The following ADGRB3 variants were observed in gnomAD, a reference collection of about 807,000 sequenced individuals.
ADGRB3 encodes the protein adhesion G protein-coupled receptor B3.
A neutral mutation model predicts 193.4 loss-of-function variants in ADGRB3; 37 were observed. That is an observed-to-expected ratio of 0.19 (90% CI 0.15 to 0.25). The LOEUF is 0.25. Ranked by LOEUF, ADGRB3 falls within the 10% of genes least tolerant of loss-of-function variation. The pLI is 1.00. For synonymous variants in ADGRB3, 690 were observed against 644.2 expected, an observed-to-expected ratio of 1.07 and a Z score of -1.08; for missense variants, 1,637 against 1,852.9, an observed-to-expected ratio of 0.88 and a Z score of 2.14.
chr6:69,077,837 C>G (rs1458893135), intron 17 of ADGRB3, among the ~76,000 whole-genome samples: 4 of 151,936 alleles, frequency 2.6e-5, no homozygotes, highest in African/African-American at 4.8e-5. Flanking sequence ...TGGTGTAGTT[C>G]ATGTTTTCTT....
chr6:68,736,016 T>C (rs1765864064), intron 3 of ADGRB3, among the ~76,000 whole-genome samples: 2 of 152,042 alleles, frequency 1.3e-5, no homozygotes, highest in African/African-American at 2.4e-5. Flanking sequence ...AAATATTTCA[T>C]TGTTGTTGAT....
At chr6:69,123,408 C>A (rs1025977577) in intron 17 of ADGRB3, among the ~76,000 whole-genome samples, 2 of 152,094 alleles carry the variant, frequency 1.3e-5, no homozygotes, top group Non-Finnish European at 2.9e-5. Flanking sequence ...GCAGATTGTT[C>A]AACATTTATT....
chr6:68,850,370 G>T (rs921009171), intron 3 of ADGRB3, among the ~76,000 whole-genome samples: 1 of 151,924 alleles, frequency 6.6e-6, no homozygotes, highest in African/African-American at 2.4e-5. Flanking sequence ...AATGGTGATA[G>T]AATTATTGGG....
intron 8 of ADGRB3, among the ~76,000 whole-genome samples, chr6:68,964,764 A>T (rs552909942): frequency 3.3e-5 from 5 of 152,328 alleles, no homozygotes; most frequent in Non-Finnish European, 5.9e-5. Context: ...AGTATATATA[A>T]CACTGTCCAC....
intron 3 of ADGRB3, among the ~76,000 whole-genome samples, chr6:68,930,104 T>C (rs1767297932): frequency 6.6e-6 from 1 of 151,582 alleles, no homozygotes; most frequent in Admixed American, 6.6e-5. Flanking sequence ...TGACTGGGTT[T>C]ACCTTAGAAA....
At chr6:69,209,877 ACT>A (rs958840370) in intron 17 of ADGRB3, among the ~76,000 whole-genome samples, 10 of 151,856 alleles carry the variant, frequency 6.6e-5, no homozygotes, top group African/African-American at 2.4e-4. Flanking sequence ...ATTTTGCATA[ACT>A]CTCTAAACAG....
intron 17 of ADGRB3, among the ~76,000 whole-genome samples, chr6:69,200,040 G>T (rs926722648): frequency 6.6e-6 from 1 of 151,624 alleles, no homozygotes; most frequent in Non-Finnish European, 1.5e-5. Context: ...GTAAAATATT[G>T]TTTCTCTATT....
chr6:68,983,855 G>T (rs1245219109), intron 10 of ADGRB3, among the ~76,000 whole-genome samples: 1 of 152,026 alleles, frequency 6.6e-6, no homozygotes, highest in Non-Finnish European at 1.5e-5. Flanking sequence ...AAACAGTGAG[G>T]TCTCTCTATT....
At chr6:69,138,808 A>G (rs1049090159) in intron 17 of ADGRB3, among the ~76,000 whole-genome samples, 1 of 152,244 alleles carries the variant, frequency 6.6e-6, no homozygotes, top group Non-Finnish European at 1.5e-5. Context: ...GAAGAAATTC[A>G]CATCATAATT....
At chr6:68,854,348 ATATAT>A (rs1303140849) in intron 3 of ADGRB3, among the ~76,000 whole-genome samples, 1 of 152,154 alleles carries the variant, frequency 6.6e-6, no homozygotes, top group Non-Finnish European at 1.5e-5. Flanking sequence ...ATTAATAATG[ATATAT>A]TGTATTTTAG....
chr6:69,018,621 T>C, intron 13 of ADGRB3, 122 bp downstream of exon 13: 1 of 616,724 alleles, frequency 1.6e-6, no homozygotes, highest in Non-Finnish European at 2.8e-6. Flanking sequence ...TGAGCAAATA[T>C]ATTTCTAATA....
At chr6:69,292,520 A>G (rs776702310) in intron 20 of ADGRB3, among the ~76,000 whole-genome samples, 7 of 152,086 alleles carry the variant, frequency 4.6e-5, no homozygotes, top group Non-Finnish European at 1.0e-4. Context: ...TTTATATGGC[A>G]TTCCTTGTCT....
intron 3 of ADGRB3, among the ~76,000 whole-genome samples, chr6:68,678,385 A>G (rs1764808696): frequency 6.6e-6 from 1 of 152,196 alleles, no homozygotes; most frequent in Non-Finnish European, 1.5e-5. Flanking sequence ...AAAATAAACA[A>G]CAATCAACCT....
chr6:68,699,125 C>A (rs1008625669), intron 3 of ADGRB3, among the ~76,000 whole-genome samples: 2 of 152,096 alleles, frequency 1.3e-5, no homozygotes, highest in African/African-American at 2.4e-5. Flanking sequence ...TTGTGAAACA[C>A]CCACTTCTAC....
chr6:68,942,921 A>C (rs1365444309), intron 5 of ADGRB3, among the ~76,000 whole-genome samples: 1 of 152,160 alleles, frequency 6.6e-6, no homozygotes, highest in Non-Finnish European at 1.5e-5. Flanking sequence ...TAAATACTGA[A>C]TCTTCATGGT....
rs146485031 is a variant in ADGRB3 at position 69,203,225 on chromosome 6, A to T, written c.2481-30065A>T. ...TTTAAATCATACCTTAATCCTGGAAAGTACAACGGCATTGCCTGGTACATC... is the reference window on the plus strand; with the variant it reads ...TTTAAATCATACCTTAATCCTGGAATGTACAACGGCATTGCCTGGTACATC... On this transcript the variant is annotated intron_variant, in intron 17 of 31. Coordinates refer to ENST00000370598, the MANE Select transcript of ADGRB3 (RefSeq NM_001704.3). Among the ~76,000 whole-genome samples, 31 of 152,288 alleles carry T rather than the reference A, an allele frequency of 2.0e-4. No individual in the cohort carries two copies. The East Asian group carries it at 4.0e-3, about 20-fold the overall frequency.
chr6:69,249,691 A>G (rs1437672549), intron 20 of ADGRB3, among the ~76,000 whole-genome samples: 1 of 152,162 alleles, frequency 6.6e-6, no homozygotes, highest in African/African-American at 2.4e-5. Context: ...TTGGATTGTT[A>G]TTATGTATAT....
chr6:69,032,080 G>A (rs1770728981), intron 13 of ADGRB3, among the ~76,000 whole-genome samples: 1 of 152,156 alleles, frequency 6.6e-6, no homozygotes, highest in Admixed American at 6.5e-5. Context: ...CTTTAACTAG[G>A]AAAATTTTCT....
intron 20 of ADGRB3, among the ~76,000 whole-genome samples, chr6:69,264,327 G>A (rs1020591716): frequency 4.0e-5 from 6 of 151,816 alleles, no homozygotes; most frequent in Non-Finnish European, 7.4e-5. Flanking sequence ...TTGCTTTCAC[G>A]TGCTAAAAAA....
Sources: gnomAD v4.1 joint callset for allele counts (sites outside exome capture counted in the v4.1 genomes callset) on GRCh38, gnomAD v4.1.1 for gene constraint, MANE v1.5 for transcripts, NCBI Gene and HGNC (gene_info 2026-07-23, HGNC 2026-07-21) for gene names.